Variants in CAMK2A observed in about 807,000 individuals in gnomAD.
The protein encoded by CAMK2A is calcium/calmodulin-dependent protein kinase type II subunit alpha.
In CAMK2A, 7 loss-of-function variants were observed where a neutral mutation model predicts 79.2. That is an observed-to-expected ratio of 0.09 (90% confidence interval 0.05 to 0.17). The LOEUF (loss-of-function observed/expected upper bound fraction) is 0.17. Ranked by LOEUF, CAMK2A falls within the 10% of genes least tolerant of loss-of-function variation. CAMK2A has a pLI of 1.00. For missense variants in CAMK2A, 214 were observed against 646.4 expected (o/e 0.33, Z 7.25); for synonymous variants, 242 against 251.7 (o/e 0.96, Z 0.36).
chr5:150,254,545 G>C (rs1461496464), intron 6 of CAMK2A, among the ~76,000 whole-genome samples: 1 of 152,156 alleles, frequency 6.6e-6, no homozygotes, highest in Admixed American at 6.5e-5. Flanking sequence ...AGCTGACTTG[G>C]GAAGGTCCCA....
chr5:150,267,859 C>G (rs1235404648), intron 2 of CAMK2A, among the ~76,000 whole-genome samples: 10 of 151,460 alleles, frequency 6.6e-5, no homozygotes, highest in Admixed American at 1.3e-4. Flanking sequence ...CCCACTCCTC[C>G]CCTCAGCCAA....
chr5:150,285,809 C>T (rs1757400813), intron 1 of CAMK2A, among the ~76,000 whole-genome samples: 1 of 152,216 alleles, frequency 6.6e-6, no homozygotes, highest in South Asian at 2.1e-4. Context: ...CCTTCAGAGA[C>T]TCTTCCTATA....
intron 17 of CAMK2A, among the ~76,000 whole-genome samples, chr5:150,225,639 C>T (rs1413674624): frequency 6.6e-6 from 1 of 152,200 alleles, no homozygotes; most frequent in Non-Finnish European, 1.5e-5. Flanking sequence ...CCCCAGAGGA[C>T]AGACTGTAAG....
At chr5:150,224,023 A>G (rs1055537277) in intron 17 of CAMK2A, among the ~76,000 whole-genome samples, 1 of 152,138 alleles carries the variant, frequency 6.6e-6, no homozygotes, top group African/African-American at 2.4e-5. Flanking sequence ...AATGATAAGG[A>G]TGGTATTGGT....
At position 150,222,274 on chromosome 5, in the gene CAMK2A, G is replaced by GT; in HGVS notation, c.*435_*436insA. 1 of 566,344 alleles carries GT rather than the reference G, an allele frequency of 1.8e-6. No individual in the cohort carries two copies. Among genetic ancestry groups the GT allele is most frequent in the Non-Finnish European group, 3.2e-6 (1 of 315,072 alleles). The allele number at this position is 566,344 out of a possible 1,614,324, so 35.1% of individuals were successfully genotyped here. Reference sequence around the variant, plus strand: ...AAGGGAGTGTCATCTGCCCTTCCCCGGGGACACTGGAAGAGGAGAGGTCTG... The same window carrying GT: ...AAGGGAGTGTCATCTGCCCTTCCCCGTGGGACACTGGAAGAGGAGAGGTCTG... On this transcript the variant is annotated 3_prime_UTR_variant, in exon 19 of 19. Coordinates refer to ENST00000671881, the MANE Select transcript of CAMK2A (RefSeq NM_015981.4).
chr5:150,273,859 C>T (rs979496833), intron 1 of CAMK2A, among the ~76,000 whole-genome samples: 1 of 152,232 alleles, frequency 6.6e-6, no homozygotes, highest in African/African-American at 2.4e-5. Context: ...CCATTACAAA[C>T]AATGCTACAA....
intron 18 of CAMK2A, 46 bp downstream of exon 18, chr5:150,222,943 C>A (rs750373043): frequency 3.2e-6 from 5 of 1,566,684 alleles, no homozygotes; most frequent in South Asian, 1.1e-5. Flanking sequence ...GGGCAACACT[C>A]CCATCCTTTA....
chr5:150,272,869 C>G (rs1756807427), intron 2 of CAMK2A, among the ~76,000 whole-genome samples, 196 bp downstream of exon 2: 1 of 151,410 alleles, frequency 6.6e-6, no homozygotes, highest in African/African-American at 2.4e-5. Context: ...AGTCTGTGCT[C>G]TCCAGCCTTG....
chr5:150,245,700 AGCAGATG>A (rs1339663049), intron 12 of CAMK2A, among the ~76,000 whole-genome samples: 2 of 152,204 alleles, frequency 1.3e-5, no homozygotes, highest in Admixed American at 6.5e-5. Flanking sequence ...AGTGACAAGA[AGCAGATG>A]CCCCCACTGG....
intron 12 of CAMK2A, chr5:150,245,415 T>A: frequency 1.7e-6 from 1 of 585,440 alleles, no homozygotes. Flanking sequence ...TTCCCCGCCT[T>A]CTCAGCAATC....
intron 2 of CAMK2A, 98 bp from the exon 3 acceptor site, chr5:150,265,113 G>A: frequency 1.1e-6 from 1 of 919,006 alleles, no homozygotes; most frequent in Non-Finnish European, 1.8e-6. Flanking sequence ...ACCTCCCAGG[G>A]CAGCCCCTGG....
At chr5:150,238,926 G>A (rs1458970076) in intron 14 of CAMK2A, among the ~76,000 whole-genome samples, 178 bp from the exon 15 acceptor site, 1 of 152,238 alleles carries the variant, frequency 6.6e-6, no homozygotes, top group Non-Finnish European at 1.5e-5. Context: ...GGGCCCAGCT[G>A]AGCAGGTGGC....
chr5:150,221,364 GTGCTT>G lies in CAMK2A; in HGVS notation c.*1341_*1345del, dbSNP rs927583123. On this transcript the variant is annotated 3_prime_UTR_variant, in exon 19 of 19. Coordinates refer to ENST00000671881, the MANE Select transcript of CAMK2A (RefSeq NM_015981.4). ...GAGGCATGAAGAGTAGAAATTCCCA[GTGCTT>G]TGCTGTGGTCATCAGACGCCAAGGG... is the stretch of plus-strand genomic sequence containing the variant. 1 of 398,538 alleles carries G rather than the reference GTGCTT, an allele frequency of 2.5e-6. No individual in the cohort carries two copies. Among genetic ancestry groups the G allele is most frequent in the Non-Finnish European group, 4.4e-6 (1 of 226,038 alleles). The allele number at this position is 398,538 out of a possible 1,614,324, so 24.7% of individuals were successfully genotyped here. A position where few individuals can be genotyped will look rare whatever the true frequency, so the allele number is the denominator to read the frequency against.
At chr5:150,263,735 A>C (rs1562180990) in intron 3 of CAMK2A, among the ~76,000 whole-genome samples, 1 of 152,232 alleles carries the variant, frequency 6.6e-6, no homozygotes, top group Non-Finnish European at 1.5e-5. Context: ...AAGATCTTAC[A>C]GTCAGAGATC....
At chr5:150,238,812 C>A in intron 14 of CAMK2A, 64 bp from the exon 15 acceptor site, 1 of 1,390,542 alleles carries the variant, frequency 7.2e-7, no homozygotes. Flanking sequence ...ATGGCCAGGC[C>A]CTGGCTGCCT....
rs960024248 is a variant in CAMK2A at position 150,284,431 on chromosome 5, C to T, written c.62+5133G>A. ...TCTGCCCTCACCCCACAGAGAGGGC[C>T]ATGGCCCAGACTGCAGGGCATGCTG... On this transcript the variant is annotated intron_variant, in intron 1 of 18. Coordinates refer to ENST00000671881, the MANE Select transcript of CAMK2A (RefSeq NM_015981.4). The surrounding 1 kb of genome is among the most constrained non-coding windows in gnomAD (Gnocchi z 5.3). Among the ~76,000 whole-genome samples the T allele has an allele frequency of 5.3e-5, 8 of 150,396 alleles. No homozygotes were observed. The highest frequency in any genetic ancestry group is 8.9e-5 in the Non-Finnish European group (6 of 67,650).
chr5:150,268,287 T>A (rs1756599517), intron 2 of CAMK2A, among the ~76,000 whole-genome samples: 3 of 152,164 alleles, frequency 2.0e-5, no homozygotes, highest in Non-Finnish European at 4.4e-5. Context: ...CGGCCTCACC[T>A]TCCGGCCAGG....
chr5:150,225,748 TA>T (rs1754570631), intron 17 of CAMK2A, among the ~76,000 whole-genome samples: 5 of 41,308 alleles, frequency 1.2e-4, no homozygotes, highest in African/African-American at 2.2e-4. Flanking sequence ...TTATTATTAT[TA>T]TTATTATTTT....
chr5:150,274,348 A>G (rs1229916251), intron 1 of CAMK2A, among the ~76,000 whole-genome samples: 1 of 152,216 alleles, frequency 6.6e-6, no homozygotes, highest in East Asian at 1.9e-4. Context: ...TTTTCAGGAA[A>G]AGCTACAAGT....
Sources: gnomAD v4.1 joint callset for allele counts (sites outside exome capture counted in the v4.1 genomes callset) on GRCh38, gnomAD v4.1.1 for gene constraint, Gnocchi (gnomAD v3.1) non-coding constraint, MANE v1.5 for transcripts, NCBI Gene and HGNC (gene_info 2026-07-23, HGNC 2026-07-21) for gene names.